Variants in TENM4 observed in about 807,000 individuals in gnomAD.
TENM4 encodes teneurin transmembrane protein 4.
In TENM4, 82 loss-of-function variants were observed where a neutral mutation model predicts 243.3. That is an observed-to-expected ratio of 0.34 (90% confidence interval 0.28 to 0.40). TENM4 has a LOEUF of 0.40. TENM4 is among the 10% of genes least tolerant of loss of function. The pLI, the probability that TENM4 is intolerant of heterozygous loss-of-function variation, is 1.00. For synonymous variants in TENM4, 1,412 were observed against 1,456.3 expected, an observed-to-expected ratio of 0.97 and a Z score of 0.69; for missense variants, 3,138 against 3,673.3, an observed-to-expected ratio of 0.85 and a Z score of 3.77.
rs565022031 is a variant in TENM4, at chr11:78,993,079, T to A, written c.493+71659A>T. On this transcript the variant is annotated intron_variant, in intron 6 of 33. Coordinates refer to ENST00000278550, the MANE Select transcript of TENM4 (RefSeq NM_001098816.3). ...CCCATTTAATTGATTGTTGAACAGC[T>A]ACTATTGGCAACATGTTGTGATATG... 3.9e-5 allele frequency among the ~76,000 whole-genome samples: 6 copies of A among 152,324 alleles called. No individual in the cohort carries two copies. In the East Asian group the frequency reaches 9.7e-4, roughly 25 times the overall value.
intron 6 of TENM4, among the ~76,000 whole-genome samples, chr11:79,050,908 G>C (rs1040937920): frequency 1.3e-5 from 2 of 152,118 alleles, no homozygotes; most frequent in Non-Finnish European, 2.9e-5. Flanking sequence ...CTTGGTCCTG[G>C]TACCTAGGGA....
At chr11:79,354,357 T>C (rs1857463652) in intron 1 of TENM4, among the ~76,000 whole-genome samples, 1 of 152,148 alleles carries the variant, frequency 6.6e-6, no homozygotes, top group South Asian at 2.1e-4. Context: ...GAAATGAACA[T>C]TTGGTGAGTG....
chr11:78,857,534 C>G (rs755371237), intron 10 of TENM4, among the ~76,000 whole-genome samples: 2 of 152,148 alleles, frequency 1.3e-5, no homozygotes, highest in Non-Finnish European at 2.9e-5. Flanking sequence ...TGTTATCACT[C>G]CCTTATAAAC....
chr11:79,084,623 A>G (rs1428786702), intron 4 of TENM4, among the ~76,000 whole-genome samples: 3 of 146,872 alleles, frequency 2.0e-5, no homozygotes, highest in Non-Finnish European at 1.5e-5. Context: ...ATCCTACATT[A>G]TTCCATTTAT....
chr11:79,132,197 T>A (rs1452788388), intron 4 of TENM4, among the ~76,000 whole-genome samples: 3 of 149,084 alleles, frequency 2.0e-5, no homozygotes, highest in Admixed American at 6.7e-5. Context: ...AAAAAAAAAA[T>A]GAGCCGGGCG....
At chr11:79,304,776 C>G (rs1415485919) in intron 1 of TENM4, among the ~76,000 whole-genome samples, 1 of 152,198 alleles carries the variant, frequency 6.6e-6, no homozygotes, top group Non-Finnish European at 1.5e-5. Flanking sequence ...TCTGGGTGCT[C>G]TCATCACAGC....
intron 20 of TENM4, among the ~76,000 whole-genome samples, chr11:78,735,126 A>T (rs746848865): frequency 3.9e-5 from 6 of 152,148 alleles, no homozygotes; most frequent in Non-Finnish European, 8.8e-5. Flanking sequence ...CTCTTGGTAG[A>T]TGGCATCCCC....
chr11:78,897,987 C>G (rs1398357129), intron 7 of TENM4, among the ~76,000 whole-genome samples: 1 of 152,234 alleles, frequency 6.6e-6, no homozygotes, highest in Non-Finnish European at 1.5e-5. Context: ...CCTCACCCAA[C>G]AGGAACCTGA....
chr11:79,418,038 G>A (rs1858855702), intron 1 of TENM4, among the ~76,000 whole-genome samples: 1 of 152,224 alleles, frequency 6.6e-6, no homozygotes, highest in Non-Finnish European at 1.5e-5. Context: ...GTATGTATCA[G>A]TAGTGGGATT....
chr11:79,340,971 A>G (rs1857232170), intron 1 of TENM4, among the ~76,000 whole-genome samples: 1 of 152,176 alleles, frequency 6.6e-6, no homozygotes, highest in African/African-American at 2.4e-5. Flanking sequence ...GCCCAGTGTA[A>G]TTACAAGGGT....
intron 6 of TENM4, among the ~76,000 whole-genome samples, chr11:79,062,492 C>T (rs1280814324): frequency 6.6e-6 from 1 of 152,142 alleles, no homozygotes; most frequent in Non-Finnish European, 1.5e-5. Flanking sequence ...CATACATCCT[C>T]CCTTGGTAAT....
intron 1 of TENM4, among the ~76,000 whole-genome samples, chr11:79,328,755 C>T (rs996242737): frequency 1.3e-5 from 2 of 150,464 alleles, no homozygotes; most frequent in South Asian, 4.3e-4. Context: ...TTACTGAACA[C>T]CCACTATGTA....
At chr11:79,317,667 C>G (rs1197020011) in intron 1 of TENM4, among the ~76,000 whole-genome samples, 1 of 152,150 alleles carries the variant, frequency 6.6e-6, no homozygotes, top group Admixed American at 6.5e-5. Context: ...ATGCCACAAA[C>G]AGAATCTGAA....
chr11:78,987,473 G>A (rs1857944524), intron 6 of TENM4, among the ~76,000 whole-genome samples: 1 of 152,208 alleles, frequency 6.6e-6, no homozygotes, highest in East Asian at 1.9e-4. Context: ...ACAGAAGTGA[G>A]AATAGTAGTT....
intron 4 of TENM4, 134 bp from the exon 5 acceptor site, chr11:79,070,143 A>G (rs752764387): frequency 1.6e-5 from 18 of 1,127,920 alleles, no homozygotes; most frequent in Admixed American, 3.0e-5. Context: ...CCGCTCCACC[A>G]CTACGCAGCC....
At chr11:78,763,465 T>C (rs1159098051) in intron 18 of TENM4, among the ~76,000 whole-genome samples, 1 of 152,214 alleles carries the variant, frequency 6.6e-6, no homozygotes, top group Non-Finnish European at 1.5e-5. Context: ...ACCCTTGAAC[T>C]TGAAGCTCTG....
chr11:79,356,558 G>C (rs1304458226), intron 1 of TENM4, among the ~76,000 whole-genome samples: 1 of 152,114 alleles, frequency 6.6e-6, no homozygotes, highest in Non-Finnish European at 1.5e-5. Context: ...GAAGCCCTCT[G>C]GGCTTACAGT....
At position 78,669,417 on chromosome 11, in the gene TENM4, G is replaced by A; in HGVS notation, c.6928C>T (p.Leu2310=). 1 of 1,613,356 alleles carries A rather than the reference G, an allele frequency of 6.2e-7. No homozygotes were observed. The highest frequency in any genetic ancestry group is 8.5e-7 in the Non-Finnish European group (1 of 1,179,454). ...GTCAGGTCTGCATAGAAGAACTGCA[G>A]GTGGTGGCTGTGGCTGCTCTTGCTG... ...VSSKSSHSHH[L]QFFYADLTNP... Residue 2310 remains leucine, a synonymous_variant, in exon 32 of 34, where the codon CTG becomes TTG. Coordinates refer to ENST00000278550, the MANE Select transcript of TENM4 (RefSeq NM_001098816.3). This position sits in a 1 kb window ranked among gnomAD's most constrained non-coding sequence, Gnocchi z 6.4.
At chr11:79,226,197 A>G (rs1029113678) in intron 2 of TENM4, among the ~76,000 whole-genome samples, 1 of 152,198 alleles carries the variant, frequency 6.6e-6, no homozygotes, top group African/African-American at 2.4e-5. Flanking sequence ...AAATGCTCCA[A>G]AACAAAACAA....
Sources: allele counts gnomAD v4.1 joint callset (sites outside exome capture counted in the v4.1 genomes callset), GRCh38; gene constraint gnomAD v4.1.1; non-coding constraint Gnocchi (gnomAD v3.1); transcripts MANE v1.5; gene names NCBI Gene and HGNC (gene_info 2026-07-23, HGNC 2026-07-21).